Variants in NUP93 observed in about 807,000 individuals in gnomAD.
NUP93 encodes nuclear pore complex protein Nup93.
A neutral mutation model predicts 107.8 loss-of-function variants in NUP93; 55 were observed. The ratio of observed to expected loss-of-function variants is 0.51; its 90% CI spans 0.41 to 0.64. NUP93 has a LOEUF of 0.64. NUP93 is among the 30% of genes least tolerant of loss of function. The probability of loss-of-function intolerance (pLI) is 0.00; values close to 1 mark genes in which losing one functional copy is unlikely to be tolerated. For synonymous variants in NUP93, 390 were observed against 397.5 expected, an observed-to-expected ratio of 0.98 and a Z score of 0.22; for missense variants, 937 against 1,044.7, an observed-to-expected ratio of 0.90 and a Z score of 1.42.
In NUP93 at chr16:56,832,471, A is replaced by G. The variant is rs140724111; in HGVS notation, c.1345+83A>G. On this transcript the variant is annotated intron_variant, in intron 12 of 21. Coordinates refer to ENST00000308159, the MANE Select transcript of NUP93 (RefSeq NM_014669.5). ...CAGTTTTCCTCTGGGAAAATTTTTC[A>G]TCTCTGAACTTTTGTCTTTCTTCCA... is the stretch of plus-strand genomic sequence containing the variant. 2,362 of 1,046,450 alleles carry G rather than the reference A, an allele frequency of 2.3e-3. 5 individuals carry two copies. The highest frequency in any genetic ancestry group is 3.0e-3 in the Non-Finnish European group (2,016 of 674,060). The allele number at this position is 1,046,450 out of a possible 1,614,324, so 64.8% of individuals were successfully genotyped here.
chr16:56,778,271 A>C lies in NUP93; in HGVS notation c.297+19616A>C, dbSNP rs118191504. On this transcript the variant is annotated intron_variant, in intron 3 of 21. Coordinates refer to ENST00000308159, the MANE Select transcript of NUP93 (RefSeq NM_014669.5). ...TTGCCGGAAGTGAAAGAAGAGTAAT[A>C]ACCTGACCAAAGTCAGGGAGGTAAG... is the stretch of plus-strand genomic sequence containing the variant. 3.0e-4 allele frequency among the ~76,000 whole-genome samples: 45 copies of C among 152,332 alleles called. No individual in the cohort carries two copies. In the East Asian group the frequency reaches 6.6e-3, roughly 22 times the overall value.
chr16:56,807,399 T>A (rs1167535880), intron 5 of NUP93, among the ~76,000 whole-genome samples: 1 of 152,242 alleles, frequency 6.6e-6, no homozygotes, highest in Non-Finnish European at 1.5e-5. Context: ...TTTTGGCACA[T>A]CCTTCTATGT....
Position 56,834,195 on chromosome 16 carries a change from C to G in NUP93, c.1605C>G (p.Tyr535Ter), listed in dbSNP as rs139671995. The G allele has an allele frequency of 6.2e-7, 1 of 1,614,072 alleles. No individual in the cohort carries two copies. Among genetic ancestry groups the G allele is most frequent in the African/African-American group, 1.3e-5 (1 of 74,930 alleles). The change falls in exon 14 of 22, where the codon TAC becomes TAG. Residue 535 changes from tyrosine to a stop codon, truncating the protein, a stop_gained. Coordinates refer to ENST00000308159, the MANE Select transcript of NUP93 (RefSeq NM_014669.5). LOFTEE classifies it high-confidence loss of function. ...RLNFVRLLML[Y>*]TRKFESTDPR... Reference sequence around the variant, plus strand: ...ACTTCGTGCGGCTCCTCATGCTGTACACCCGGAAGTTTGAGTCCACGGACC... The same window carrying G: ...ACTTCGTGCGGCTCCTCATGCTGTAGACCCGGAAGTTTGAGTCCACGGACC...
chr16:56,819,473 C>T (rs1205272602), intron 6 of NUP93, among the ~76,000 whole-genome samples: 1 of 152,218 alleles, frequency 6.6e-6, no homozygotes, highest in Middle Eastern at 3.2e-3. Context: ...GATTATCCTC[C>T]ACCAGCAGTG....
rs1285814427 is a variant in NUP93 at position 56,849,094 on chromosome 16, C to G, written c.*4485C>G. ...TTGCTTTGTCCTCCTGTGCCAGGCT[C>G]CTCCCCACATCCTCTGGATCAGCTC... On this transcript the variant is annotated 3_prime_UTR_variant, in exon 22 of 22. Transcript: ENST00000308159. 3 of 152,266 alleles carry G rather than the reference C, an allele frequency of 2.0e-5. No homozygotes were observed. The highest frequency in any genetic ancestry group is 7.2e-5 in the African/African-American group (3 of 41,450). The allele number at this position is 152,266 out of a possible 1,614,324, so 9.4% of individuals were successfully genotyped here.
chr16:56,733,222 C>A (rs1477333416), intron 1 of NUP93, among the ~76,000 whole-genome samples: 2 of 152,102 alleles, frequency 1.3e-5, no homozygotes, highest in South Asian at 2.1e-4. Flanking sequence ...CTATGGAGAG[C>A]ACCCTTTATA....
Position 56,792,395 on chromosome 16 carries a change from AGATAGCATG to A in NUP93, c.298-6078_298-6070del, listed in dbSNP as rs149795056. On this transcript the variant is annotated intron_variant, in intron 3 of 21. Transcript: ENST00000308159. ...TCTCACCTTGATTTGCTATGATGAGAGATAGCATGGAGCGTGGAAGAGGGAAAACAAGGG... is the reference window on the plus strand; with the variant it reads ...TCTCACCTTGATTTGCTATGATGAGAGAGCGTGGAAGAGGGAAAACAAGGG... Among the ~76,000 whole-genome samples, 42 of 152,318 alleles carry A rather than the reference AGATAGCATG, an allele frequency of 2.8e-4. No homozygotes were observed. The East Asian group carries it at 7.9e-3, about 29-fold the overall frequency.
Position 56,834,582 on chromosome 16 carries a change from A to G in NUP93, c.1737+140A>G, listed in dbSNP as rs949826847. The G allele has an allele frequency of 8.0e-6, 9 of 1,127,418 alleles. No individual in the cohort carries two copies. In the Admixed American group the frequency reaches 1.3e-4, roughly 16 times the overall value. 69.8% of individuals were successfully genotyped at this position (1,127,418 alleles called of 1,614,324 possible). On this transcript the variant is annotated intron_variant, in intron 15 of 21. Transcript: ENST00000308159. ...TTTGGAGTTTCTTTGGTTTCTAACA[A>G]TGAAAATATTTATTTCAGTCACACT... is the stretch of plus-strand genomic sequence containing the variant.
intron 7 of NUP93, 87 bp from the exon 8 acceptor site, chr16:56,823,620 C>A (rs1963594394): frequency 1.4e-6 from 2 of 1,460,742 alleles, no homozygotes; most frequent in African/African-American, 1.4e-5. Flanking sequence ...CCACATTCTG[C>A]CCCCTTTGGA....
Position 56,845,788 on chromosome 16 carries a change from C to T in NUP93, c.*1179C>T, listed in dbSNP as rs111810397. 1.3e-4 allele frequency: 20 copies of T among 152,324 alleles called. No homozygotes were observed. Among genetic ancestry groups the T allele is most frequent in the African/African-American group, 4.1e-4 (17 of 41,574 alleles). The allele number at this position is 152,324 out of a possible 1,614,324, so 9.4% of individuals were successfully genotyped here. ...TTGTAGGGAGAAGTTTCTGTCTTGTCACAGGGTGTGGTCATCCCCACTGTC... is the reference window on the plus strand; with the variant it reads ...TTGTAGGGAGAAGTTTCTGTCTTGTTACAGGGTGTGGTCATCCCCACTGTC... On this transcript the variant is annotated 3_prime_UTR_variant, in exon 22 of 22. Coordinates refer to ENST00000308159, the MANE Select transcript of NUP93 (RefSeq NM_014669.5).
At chr16:56,763,354 TGA>T (rs1216887365) in intron 3 of NUP93, among the ~76,000 whole-genome samples, 2 of 152,232 alleles carry the variant, frequency 1.3e-5, no homozygotes, top group Non-Finnish European at 2.9e-5. Context: ...GTAATGTGTT[TGA>T]GAGATTTATC....
chr16:56,820,030 C>G (rs796204062), intron 6 of NUP93, among the ~76,000 whole-genome samples: 36 of 152,320 alleles, frequency 2.4e-4, no homozygotes, highest in African/African-American at 8.2e-4. Flanking sequence ...CATTATATGG[C>G]TGACTCCTCT....
intron 2 of NUP93, among the ~76,000 whole-genome samples, chr16:56,757,114 A>G (rs539237774): frequency 6.6e-6 from 1 of 152,342 alleles, no homozygotes; most frequent in East Asian, 1.9e-4. Flanking sequence ...CTGTTGCTGT[A>G]GTATTTATTG....
At chr16:56,776,335 A>C (rs1188898305) in intron 3 of NUP93, among the ~76,000 whole-genome samples, 1 of 152,144 alleles carries the variant, frequency 6.6e-6, no homozygotes, top group African/African-American at 2.4e-5. Context: ...TGGCCATATC[A>C]CTGTTTTCCA....
chr16:56,755,477 A>G (rs1417647651), intron 2 of NUP93, among the ~76,000 whole-genome samples: 1 of 148,838 alleles, frequency 6.7e-6, no homozygotes, highest in Non-Finnish European at 1.5e-5. Context: ...TTGGGGGGAA[A>G]TGGGGAATCA....
intron 5 of NUP93, among the ~76,000 whole-genome samples, chr16:56,808,208 T>A (rs1963202061): frequency 8.4e-6 from 1 of 118,900 alleles, no homozygotes; most frequent in Admixed American, 9.4e-5. Context: ...ATATAAAATA[T>A]ATAGTTATGT....
Position 56,734,438 on chromosome 16 carries a change from G to A in NUP93, c.-15+4227G>A, listed in dbSNP as rs527606419. Among the ~76,000 whole-genome samples, 3 of 152,252 alleles carry A rather than the reference G, an allele frequency of 2.0e-5. No individual in the cohort carries two copies. The East Asian group carries it at 5.8e-4, about 29-fold the overall frequency. On this transcript the variant is annotated intron_variant, in intron 1 of 21. Coordinates refer to ENST00000308159, the MANE Select transcript of NUP93 (RefSeq NM_014669.5). ...GGAAGAGTGGTAACAGAAGGAGTTG[G>A]GTCGGGGACAGTCATGTAGGCCTCA...
chr16:56,785,534 G>A (rs925270726), intron 3 of NUP93, among the ~76,000 whole-genome samples: 11 of 152,150 alleles, frequency 7.2e-5, no homozygotes, highest in Admixed American at 2.0e-4. Context: ...AACAAAAAAT[G>A]TATTTGTATC....
intron 3 of NUP93, among the ~76,000 whole-genome samples, chr16:56,777,257 A>C (rs898221346): frequency 1.3e-5 from 2 of 152,146 alleles, no homozygotes; most frequent in African/African-American, 4.8e-5. Flanking sequence ...TGGAAATCTT[A>C]CTTCTGAAAT....
Sources: gnomAD v4.1 joint callset for allele counts (sites outside exome capture counted in the v4.1 genomes callset) on GRCh38, gnomAD v4.1.1 for gene constraint, MANE v1.5 for transcripts, NCBI Gene and HGNC (gene_info 2026-07-23, HGNC 2026-07-21) for gene names.